CHCHD7: variants seen among roughly 807,000 people sequenced by gnomAD.
CHCHD7 encodes coiled-coil-helix-coiled-coil-helix domain-containing protein 7.
A neutral mutation model predicts 10.5 loss-of-function variants in CHCHD7; 7 were observed. The ratio of observed to expected loss-of-function variants is 0.67; its 90% CI spans 0.38 to 1.25. The LOEUF (loss-of-function observed/expected upper bound fraction) is 1.25. Ranked by LOEUF, CHCHD7 falls within the 50% of genes most tolerant of loss-of-function variation. CHCHD7 has a pLI of 0.02. For missense variants in CHCHD7, 100 were observed against 104.5 expected, an observed-to-expected ratio of 0.96 and a Z score of 0.19; for synonymous variants, 40 against 36.0, an observed-to-expected ratio of 1.11 and a Z score of -0.40.
Position 56,217,406 on chromosome 8 carries a change from T to C in CHCHD7, c.229T>C (p.Leu77=), listed in dbSNP as rs745644756. The C allele has an allele frequency of 2.5e-6, 4 of 1,608,280 alleles. No homozygotes were observed. Among genetic ancestry groups the C allele is most frequent in the Non-Finnish European group, 3.4e-6 (4 of 1,174,616 alleles). The change falls in exon 4 of 4, where the codon TTG becomes CTG. Residue 77 remains leucine, a synonymous_variant. Transcript: ENST00000355315. ...TACGGCAGCAGAAAGAGATGAAATC[T>C]TGAGAGCAGTGGGAAATATGCCCTA... is the stretch of plus-strand genomic sequence containing the variant. The part of the protein sequence containing the change: ...MPTAAERDEI[L]RAVGNMPY
rs1351918415 is a variant in CHCHD7, at chr8:56,216,441, T to C, written c.63T>C (p.Asp21=). The part of the protein sequence containing the change: ...PDINPCLSES[D]ASTRCLDENN... ...TCTCTTATATCTGTAAGGAATCTGA[T>C]GCTTCCACCAGATGTCTGGATGAAA... Residue 21 remains aspartate (D), a synonymous_variant, in exon 3 of 4, where the codon GAT becomes GAC. Transcript: ENST00000355315. The C allele has an allele frequency of 6.2e-7, 1 of 1,614,038 alleles. No homozygotes were observed. Among genetic ancestry groups the C allele is most frequent in the Non-Finnish European group, 8.5e-7 (1 of 1,179,878 alleles).
At chr8:56,215,335 G>A (rs1813277759) in intron 2 of CHCHD7, 1 of 152,164 alleles carries the variant, frequency 6.6e-6, no homozygotes, top group Admixed American at 6.5e-5. Context: ...TTAGATATGT[G>A]TTGCAAACTG....
At chr8:56,212,504 C>A in intron 1 of CHCHD7, 1 of 200,258 alleles carries the variant, frequency 5.0e-6, no homozygotes, top group Non-Finnish European at 1.0e-5. Context: ...GATGGGAAAT[C>A]AGGAACTGCT....
At position 56,214,517 on chromosome 8, in the gene CHCHD7, G is replaced by C; in HGVS notation, c.-16-81G>C. 1.8e-5 allele frequency: 18 copies of C among 981,796 alleles called. No individual in the cohort carries two copies. The South Asian group carries it at 2.5e-4, about 13-fold the overall frequency. 60.8% of individuals were successfully genotyped at this position (981,796 alleles called of 1,614,324 possible). ...TCATTATGCCAAAATCAAAATTTCA[G>C]GTACTTTTAGTGCTATTGAGATGTA... On this transcript the variant is annotated intron_variant, in intron 1 of 3. Transcript: ENST00000355315.
chr8:56,217,868 CAGGT>C lies in CHCHD7; in HGVS notation c.*434_*437del, dbSNP rs1197335218. On this transcript the variant is annotated 3_prime_UTR_variant, in exon 4 of 4. Transcript: ENST00000355315. ...CTGTAGATTGCTCCACCTAGAATCT[CAGGT>C]GGGTGGAGCAGTGGTGGGAGAAGAC... The C allele has an allele frequency of 2.1e-5, 5 of 233,376 alleles. 1 individual carries two copies. Among genetic ancestry groups the C allele is most frequent in the East Asian group, 1.2e-4 (2 of 16,458 alleles). The allele number at this position is 233,376 out of a possible 1,614,324, so 14.5% of individuals were successfully genotyped here.
intron 1 of CHCHD7, chr8:56,213,151 A>G (rs1813122896): frequency 2.9e-6 from 1 of 341,126 alleles, no homozygotes; most frequent in East Asian, 4.4e-5. Context: ...AATTGTCTTC[A>G]GGAGAGGAAG....
Position 56,217,678 on chromosome 8 carries a change from G to A in CHCHD7, c.*243G>A, listed in dbSNP as rs1039035987. On this transcript the variant is annotated 3_prime_UTR_variant, in exon 4 of 4. Transcript: ENST00000355315. ...TTCTGGAGGCATGGAGTTAGGTAAG[G>A]CTACATGAGAAATTGAGCTTTTCCA... is the stretch of plus-strand genomic sequence containing the variant. 1.4e-5 allele frequency: 5 copies of A among 359,676 alleles called. No homozygotes were observed. The highest frequency in any genetic ancestry group is 2.0e-5 in the Non-Finnish European group (4 of 196,386). 22.3% of individuals were successfully genotyped at this position (359,676 alleles called of 1,614,324 possible). A position where few individuals can be genotyped will look rare whatever the true frequency, so the allele number is the denominator to read the frequency against.
chr8:56,214,622 G>A lies in CHCHD7; in HGVS notation c.9G>A (p.Ser3=), dbSNP rs767184686. Residue 3 remains serine, a synonymous_variant, in exon 2 of 4, where the codon TCG becomes TCA. Coordinates refer to ENST00000355315, the MANE Select transcript of CHCHD7 (RefSeq NM_001011671.3). MP[S]VTQRLRDPDI... ...GTAAGAAGACTGTTAGAATGCCCTCGGTAACACAGAGGCTGAGAGATCCTG... is the reference window on the plus strand; with the variant it reads ...GTAAGAAGACTGTTAGAATGCCCTCAGTAACACAGAGGCTGAGAGATCCTG... 4.3e-6 allele frequency: 7 copies of A among 1,612,770 alleles called. No homozygotes were observed. Among genetic ancestry groups the A allele is most frequent in the South Asian group, 2.2e-5 (2 of 90,964 alleles).
At chr8:56,216,595 A>G (rs1384206745) in intron 3 of CHCHD7, 64 bp downstream of exon 3, 3 of 1,542,406 alleles carry the variant, frequency 1.9e-6, no homozygotes, top group Non-Finnish European at 2.7e-6. Context: ...TGAAGCCTAA[A>G]ATTAGTCAGT....
At chr8:56,212,699 C>G in intron 1 of CHCHD7, 1 of 612,682 alleles carries the variant, frequency 1.6e-6, no homozygotes, top group East Asian at 2.8e-5. Flanking sequence ...TTTAGCGGAG[C>G]ACTCGATGTT....
intron 1 of CHCHD7, 26 bp from the exon 2 acceptor site, chr8:56,214,572 A>C: frequency 6.4e-7 from 1 of 1,570,254 alleles, no homozygotes; most frequent in Non-Finnish European, 8.8e-7. Flanking sequence ...CTACTGTATA[A>C]TTATTTTTTT....
At chr8:56,216,796 A>G in intron 3 of CHCHD7, 1 of 691,148 alleles carries the variant, frequency 1.4e-6, no homozygotes. Flanking sequence ...GCCCTAAAAC[A>G]ATGTCTTTGT....
Position 56,216,502 on chromosome 8 carries a change from T to C in CHCHD7, c.124T>C (p.Leu42=), listed in dbSNP as rs757581686. 5 of 1,614,188 alleles carry C rather than the reference T, an allele frequency of 3.1e-6. No individual in the cohort carries two copies. The highest frequency in any genetic ancestry group is 3.4e-6 in the Non-Finnish European group (4 of 1,180,014). ...YDRERCSTYF[L]RYKNCRRFWN... is the part of the protein sequence containing the mutation. ...CAGGGAAAGGTGTTCCACTTACTTCTTGAGGTACAAAAACTGCCGGAGATT... is the reference window on the plus strand; with the variant it reads ...CAGGGAAAGGTGTTCCACTTACTTCCTGAGGTACAAAAACTGCCGGAGATT... Residue 42 remains leucine, a synonymous_variant, in exon 3 of 4, where the codon TTG becomes CTG. Coordinates refer to ENST00000355315, the MANE Select transcript of CHCHD7 (RefSeq NM_001011671.3).
rs1427891653 is a variant in CHCHD7, at chr8:56,217,618, C to T, written c.*183C>T. Reference sequence around the variant, plus strand: ...TCAGTGCCATGCCGATGGTATGTTGCTGTTGGCTGTGTTGTGGCATGAGTT... The same window carrying T: ...TCAGTGCCATGCCGATGGTATGTTGTTGTTGGCTGTGTTGTGGCATGAGTT... On this transcript the variant is annotated 3_prime_UTR_variant, in exon 4 of 4. Transcript: ENST00000355315. 4.1e-6 allele frequency: 2 copies of T among 491,082 alleles called. No individual in the cohort carries two copies. The highest frequency in any genetic ancestry group is 2.0e-5 in the African/African-American group (1 of 51,064). The allele number at this position is 491,082 out of a possible 1,614,324, so 30.4% of individuals were successfully genotyped here.
chr8:56,217,259 C>T, intron 3 of CHCHD7, 72 bp from the exon 4 acceptor site: 1 of 837,940 alleles, frequency 1.2e-6, no homozygotes, highest in Non-Finnish European at 1.8e-6. Context: ...TAGCAAATTA[C>T]TGGCAAATGA....
chr8:56,214,528 T>C, intron 1 of CHCHD7, 70 bp from the exon 2 acceptor site: 1 of 1,121,582 alleles, frequency 8.9e-7, no homozygotes, highest in Non-Finnish European at 1.3e-6. Context: ...GTACTTTTAG[T>C]GCTATTGAGA....
At chr8:56,216,788 C>T (rs1351992991) in intron 3 of CHCHD7, 1 of 694,846 alleles carries the variant, frequency 1.4e-6, no homozygotes, top group Non-Finnish European at 2.6e-6. Flanking sequence ...TATCTGCAGC[C>T]CTAAAACAAT....
At chr8:56,216,651 T>G in intron 3 of CHCHD7, 120 bp downstream of exon 3, 1 of 1,032,020 alleles carries the variant, frequency 9.7e-7, no homozygotes, top group Non-Finnish European at 1.5e-6. Context: ...ACTTAACTTT[T>G]CAACTTTATC....
At position 56,216,772 on chromosome 8, in the gene CHCHD7, T is replaced by G. The variant is rs1052659640; in HGVS notation, c.153+241T>G. 5 of 700,050 alleles carry G rather than the reference T, an allele frequency of 7.1e-6. No homozygotes were observed. The African/African-American group carries it at 8.7e-5, about 12-fold the overall frequency. 43.4% of individuals were successfully genotyped at this position (700,050 alleles called of 1,614,324 possible). A position where few individuals can be genotyped will look rare whatever the true frequency, so the allele number is the denominator to read the frequency against. ...TAATATAGGTGGGTCTTCTTAGACA[T>G]TTAAGTATCTGCAGCCCTAAAACAA... On this transcript the variant is annotated intron_variant, in intron 3 of 3. Transcript: ENST00000355315.
Sources: allele counts gnomAD v4.1 joint callset, GRCh38; gene constraint gnomAD v4.1.1; transcripts MANE v1.5; gene names NCBI Gene and HGNC (gene_info 2026-07-23, HGNC 2026-07-21).